The following LIMS1 variants were observed in gnomAD, a reference collection of about 807,000 sequenced individuals.
LIMS1 encodes the protein LIM and senescent cell antigen-like-containing domain protein 1.
LIMS1 carries 18 observed loss-of-function variants against 44.1 expected under a neutral mutation model. The observed-to-expected ratio is 0.41, with a 90% CI of 0.28 to 0.61. LIMS1 has a LOEUF of 0.61. LIMS1 is among the 20% of genes least tolerant of loss of function. The pLI, the probability that LIMS1 is intolerant of heterozygous loss-of-function variation, is 0.32. For missense variants in LIMS1, 201 were observed against 422.0 expected (o/e 0.48, Z 4.59); for synonymous variants, 93 against 149.1 (o/e 0.62, Z 2.74).
intron 1 of LIMS1, among the ~76,000 whole-genome samples, chr2:108,620,903 C>A (rs1322615330): frequency 1.3e-5 from 2 of 152,064 alleles, no homozygotes; most frequent in East Asian, 3.9e-4. Context: ...CCAGGCGGTT[C>A]TTTAAACTGA....
intron 1 of LIMS1, among the ~76,000 whole-genome samples, chr2:108,614,449 C>CT (rs1480313531): frequency 6.6e-6 from 1 of 152,150 alleles, no homozygotes; most frequent in Non-Finnish European, 1.5e-5. Flanking sequence ...ATCCTATGGT[C>CT]TTTTTTTCAT....
At chr2:108,642,949 A>ATTGGACTATGC (rs1689807925) in intron 1 of LIMS1, among the ~76,000 whole-genome samples, 1 of 152,294 alleles carries the variant, frequency 6.6e-6, no homozygotes, top group East Asian at 1.9e-4. Context: ...GCCCTTAACC[A>ATTGGACTATGC]AGCTATTGGA....
chr2:108,650,118 C>A (rs1337420088), intron 1 of LIMS1, among the ~76,000 whole-genome samples: 4 of 152,208 alleles, frequency 2.6e-5, no homozygotes, highest in Non-Finnish European at 5.9e-5. Context: ...CAACAGCCTC[C>A]CACCCTACTT....
In LIMS1 at chr2:108,551,483, G is replaced by A. The variant is rs1018715602; in HGVS notation, c.32+16889G>A. ...TAGCACACTCTATATACATATATGC[G>A]CGCGCGCGCACACACACACACACAC... On this transcript the variant is annotated intron_variant, in intron 1 of 9. Coordinates refer to ENST00000544547, the Ensembl canonical transcript of LIMS1. Among the ~76,000 whole-genome samples the A allele has an allele frequency of 2.6e-3, 164 of 64,020 alleles. 1 individual carries two copies. The highest frequency in any genetic ancestry group is 0.011 in the Admixed American group (39 of 3,444). 42.0% of individuals were successfully genotyped at this position (64,020 alleles called of 152,430 possible). A position where few individuals can be genotyped will look rare whatever the true frequency, so the allele number is the denominator to read the frequency against.
intron 1 of LIMS1, among the ~76,000 whole-genome samples, chr2:108,616,553 G>A (rs939752199): frequency 6.6e-6 from 1 of 152,156 alleles, no homozygotes; most frequent in African/African-American, 2.4e-5. Context: ...AGTCAGATGT[G>A]TCAGAGGTCC....
intron 1 of LIMS1, among the ~76,000 whole-genome samples, chr2:108,596,473 G>C (rs1439583880): frequency 2.6e-5 from 4 of 152,276 alleles, no homozygotes; most frequent in African/African-American, 9.6e-5. Context: ...TTACAGAACA[G>C]ATCAATGGAA....
At chr2:108,647,595 A>G (rs1252119751) in intron 1 of LIMS1, among the ~76,000 whole-genome samples, 4 of 152,238 alleles carry the variant, frequency 2.6e-5, no homozygotes, top group Admixed American at 6.5e-5. Context: ...ATCCAGCAGC[A>G]TATCAAAAAG....
intron 1 of LIMS1, among the ~76,000 whole-genome samples, chr2:108,643,738 C>G (rs1156638648): frequency 1.3e-5 from 2 of 152,194 alleles, no homozygotes; most frequent in African/African-American, 4.8e-5. Flanking sequence ...GTCCCACCCC[C>G]ACGGAGCCAA....
At chr2:108,641,415 A>C (rs1312165627) in intron 1 of LIMS1, among the ~76,000 whole-genome samples, 2 of 152,126 alleles carry the variant, frequency 1.3e-5, no homozygotes, top group Admixed American at 1.3e-4. Flanking sequence ...TTACAACCTC[A>C]TTGTAATTTC....
At position 108,534,459 on chromosome 2, in the gene LIMS1, C is replaced by G; in HGVS notation, c.-104C>G. ...CCCTGGCCTTCCTCCCCTTCCTGCT[C>G]CGGGCCCGCCAGTAGCCGGCCGCGG... On this transcript the variant is annotated 5_prime_UTR_variant, in exon 1 of 10. Coordinates refer to ENST00000544547, the Ensembl canonical transcript of LIMS1. 1.0e-6 allele frequency: 1 copy of G among 962,698 alleles called. No individual in the cohort carries two copies. Among genetic ancestry groups the G allele is most frequent in the Non-Finnish European group, 1.3e-6 (1 of 762,268 alleles). The allele number at this position is 962,698 out of a possible 1,614,324, so 59.6% of individuals were successfully genotyped here.
At chr2:108,540,065 G>T (rs1282238859) in intron 1 of LIMS1, among the ~76,000 whole-genome samples, 3 of 151,314 alleles carry the variant, frequency 2.0e-5, no homozygotes, top group Middle Eastern at 3.2e-3. Flanking sequence ...AGTGTCCTGT[G>T]GACTGTAAAC....
At chr2:108,675,074 T>G (rs1042391401) in intron 5 of LIMS1, among the ~76,000 whole-genome samples, 4 of 152,108 alleles carry the variant, frequency 2.6e-5, no homozygotes, top group Non-Finnish European at 5.9e-5. Context: ...TTCAACAGCT[T>G]GTGACAATTT....
chr2:108,653,554 T>G (rs2438800), intron 1 of LIMS1, among the ~76,000 whole-genome samples: 1 of 152,144 alleles, frequency 6.6e-6, no homozygotes, highest in Admixed American at 6.6e-5. Flanking sequence ...CCTGAGAGGA[T>G]GGGGACGTGA....
chr2:108,667,591 GT>G (rs1282871601), intron 2 of LIMS1, among the ~76,000 whole-genome samples: 2 of 142,282 alleles, frequency 1.4e-5, no homozygotes, highest in Non-Finnish European at 3.0e-5. Context: ...ACTTTTTAGT[GT>G]TTTTATGCAA....
intron 1 of LIMS1, among the ~76,000 whole-genome samples, chr2:108,550,512 T>G (rs1558783131): frequency 1.5e-5 from 2 of 135,258 alleles, no homozygotes; most frequent in African/African-American, 5.6e-5. Flanking sequence ...AAAATAATAA[T>G]AAAAAAAAAT....
chr2:108,607,925 C>T (rs1309889186), intron 1 of LIMS1, among the ~76,000 whole-genome samples: 1 of 152,180 alleles, frequency 6.6e-6, no homozygotes, highest in Non-Finnish European at 1.5e-5. Context: ...CACATGGTGG[C>T]AGGCGCAGTG....
intron 8 of LIMS1, among the ~76,000 whole-genome samples, chr2:108,679,774 G>T (rs1364796361): frequency 7.0e-6 from 1 of 143,776 alleles, no homozygotes; most frequent in Admixed American, 7.1e-5. Flanking sequence ...AATTAGCCAG[G>T]TGTGGTAGCA....
chr2:108,631,881 T>C (rs1688950078), intron 1 of LIMS1, among the ~76,000 whole-genome samples: 2 of 152,318 alleles, frequency 1.3e-5, no homozygotes, highest in Admixed American at 6.5e-5. Flanking sequence ...ACCAACAAAA[T>C]AGATTTGTCT....
intron 1 of LIMS1, among the ~76,000 whole-genome samples, chr2:108,586,611 C>G (rs960402493): frequency 2.6e-5 from 4 of 152,120 alleles, no homozygotes; most frequent in African/African-American, 9.7e-5. Flanking sequence ...TTGATGGGAC[C>G]CATCCATGAG....
Sources: gnomAD v4.1 joint callset for allele counts (sites outside exome capture counted in the v4.1 genomes callset) on GRCh38, gnomAD v4.1.1 for gene constraint, MANE v1.5 for transcripts, NCBI Gene and HGNC (gene_info 2026-07-23, HGNC 2026-07-21) for gene names.